RBMS1: variants seen among roughly 807,000 people sequenced by gnomAD.
RBMS1 encodes the protein RNA-binding motif, single-stranded-interacting protein 1.
RBMS1 carries 17 observed loss-of-function variants against 62.3 expected under a neutral mutation model. The observed-to-expected ratio is 0.27, with a 90% CI of 0.19 to 0.41. RBMS1 has a LOEUF of 0.41. Ranked by LOEUF, RBMS1 falls within the 10% of genes least tolerant of loss-of-function variation. The probability of loss-of-function intolerance (pLI) is 1.00; values close to 1 mark genes in which losing one functional copy is unlikely to be tolerated. For synonymous variants in RBMS1, 172 were observed against 170.0 expected (o/e 1.01, Z -0.09); for missense variants, 334 against 504.5 (o/e 0.66, Z 3.24).
At chr2:160,287,819 C>T (rs939675842) in intron 6 of RBMS1, among the ~76,000 whole-genome samples, 2 of 152,014 alleles carry the variant, frequency 1.3e-5, no homozygotes, top group Non-Finnish European at 2.9e-5. Context: ...CTTGTCCACC[C>T]TATTTAAAGG....
chr2:160,311,563 A>G (rs1272475913), intron 4 of RBMS1, among the ~76,000 whole-genome samples: 1 of 152,116 alleles, frequency 6.6e-6, no homozygotes, highest in East Asian at 1.9e-4. Flanking sequence ...ACGTGCTACA[A>G]TTCAAAAGTA....
intron 13 of RBMS1, among the ~76,000 whole-genome samples, chr2:160,275,179 T>C (rs190664296): frequency 3.0e-4 from 45 of 152,268 alleles, no homozygotes; most frequent in Non-Finnish European, 3.1e-4. Context: ...CAAGTGAGAG[T>C]TGGGAATATA....
chr2:160,330,217 T>C (rs903394584), intron 2 of RBMS1, among the ~76,000 whole-genome samples: 5 of 152,198 alleles, frequency 3.3e-5, no homozygotes, highest in Admixed American at 1.3e-4. Context: ...CCTGGGAAGA[T>C]GAAATGTGGC....
At chr2:160,471,691 G>GTATATATATATATGTATATATA in intron 1 of RBMS1, among the ~76,000 whole-genome samples, 1 of 65,944 alleles carries the variant, frequency 1.5e-5, no homozygotes, top group East Asian at 3.4e-4. Context: ...ATCCTTTGGT[G>GTATATATATATATGTATATATA]TATATATATA....
At chr2:160,371,264 T>C (rs1693708021) in intron 1 of RBMS1, among the ~76,000 whole-genome samples, 1 of 152,224 alleles carries the variant, frequency 6.6e-6, no homozygotes. Context: ...AGGGACAATA[T>C]TTTAGCCAGT....
chr2:160,294,145 G>C (rs1180284349), intron 6 of RBMS1, among the ~76,000 whole-genome samples: 3 of 152,134 alleles, frequency 2.0e-5, no homozygotes, highest in African/African-American at 4.8e-5. Context: ...AAAAAATGCA[G>C]GACTGGGTGG....
chr2:160,436,285 T>C (rs545393894), intron 1 of RBMS1, among the ~76,000 whole-genome samples: 1 of 152,212 alleles, frequency 6.6e-6, no homozygotes, highest in African/African-American at 2.4e-5. Flanking sequence ...CTGACCACCA[T>C]GTAAAAAGTC....
chr2:160,305,982 A>G (rs1279128153), intron 4 of RBMS1, among the ~76,000 whole-genome samples: 1 of 152,084 alleles, frequency 6.6e-6, no homozygotes, highest in African/African-American at 2.4e-5. Flanking sequence ...AAAAAAAGTC[A>G]GCGAGATGTA....
chr2:160,450,722 T>C (rs1683947662), intron 1 of RBMS1, among the ~76,000 whole-genome samples: 1 of 152,152 alleles, frequency 6.6e-6, no homozygotes, highest in Admixed American at 6.5e-5. Context: ...GTCTTCCTTT[T>C]CCAGTCTATA....
At chr2:160,451,158 G>GAAAA (rs71006607) in intron 1 of RBMS1, among the ~76,000 whole-genome samples, 24 of 128,080 alleles carry the variant, frequency 1.9e-4, no homozygotes, top group Admixed American at 1.2e-3. Flanking sequence ...CCATGCTTCA[G>GAAAA]AAAAAAAAAA....
rs1303038316 is a variant in RBMS1, at chr2:160,300,742, A to C, written c.561-12T>G. The C allele has an allele frequency of 6.4e-7, 1 of 1,570,792 alleles. No individual in the cohort carries two copies. The highest frequency in any genetic ancestry group is 2.3e-5 in the East Asian group (1 of 43,502). On this transcript the variant is annotated splice_polypyrimidine_tract_variant and intron_variant, in intron 5 of 13. Coordinates refer to ENST00000348849, the MANE Select transcript of RBMS1 (RefSeq NM_016836.4). ...CTGTTGATTCCATCCTATTTATAAT[A>C]AAAATAGAATACATAAATATTTAAA... is the stretch of plus-strand genomic sequence containing the variant.
intron 1 of RBMS1, among the ~76,000 whole-genome samples, chr2:160,403,117 TG>T (rs1695520858): frequency 1.3e-5 from 2 of 152,152 alleles, no homozygotes; most frequent in Non-Finnish European, 2.9e-5. Context: ...CACGATGAAT[TG>T]TACAGTTTTC....
intron 1 of RBMS1, among the ~76,000 whole-genome samples, chr2:160,414,867 T>C (rs1175718846): frequency 1.3e-5 from 2 of 150,926 alleles, no homozygotes; most frequent in Non-Finnish European, 3.0e-5. Context: ...AAAAAATCTA[T>C]AAAAACAGGT....
chr2:160,416,906 C>T (rs1295579845), intron 1 of RBMS1, among the ~76,000 whole-genome samples: 2 of 152,216 alleles, frequency 1.3e-5, no homozygotes, highest in Admixed American at 6.5e-5. Flanking sequence ...ATAGTTCTAC[C>T]GCAGGACTAG....
intron 2 of RBMS1, among the ~76,000 whole-genome samples, chr2:160,328,065 C>T (rs983747539): frequency 4.6e-5 from 7 of 152,090 alleles, no homozygotes; most frequent in Admixed American, 3.3e-4. Flanking sequence ...AGAGTTGCCA[C>T]CAGAGAGACC....
intron 6 of RBMS1, among the ~76,000 whole-genome samples, chr2:160,289,301 T>G (rs1378435537): frequency 6.6e-6 from 1 of 152,196 alleles, no homozygotes; most frequent in Non-Finnish European, 1.5e-5. Flanking sequence ...AGCTATTTTT[T>G]CCCCGCTAAA....
At chr2:160,449,286 G>A (rs1683852177) in intron 1 of RBMS1, among the ~76,000 whole-genome samples, 1 of 152,214 alleles carries the variant, frequency 6.6e-6, no homozygotes, top group East Asian at 1.9e-4. Context: ...TCTGGGAAGT[G>A]AGGAGCCCCT....
At chr2:160,493,067 C>T (rs935319609) in intron 1 of RBMS1, 21 of 518,930 alleles carry the variant, frequency 4.0e-5, no homozygotes, top group Middle Eastern at 5.0e-4. Context: ...GTCTCTCCCC[C>T]CGCGGCTTTC....
chr2:160,323,812 CAAAGGG>C (rs765423776), intron 2 of RBMS1, among the ~76,000 whole-genome samples: 1 of 152,068 alleles, frequency 6.6e-6, no homozygotes, highest in Non-Finnish European at 1.5e-5. Flanking sequence ...ATATGAATTT[CAAAGGG>C]AGAGGATAAC....
Sources: allele counts gnomAD v4.1 joint callset (sites outside exome capture counted in the v4.1 genomes callset), GRCh38; gene constraint gnomAD v4.1.1; transcripts MANE v1.5; gene names NCBI Gene and HGNC (gene_info 2026-07-23, HGNC 2026-07-21).